The following INVS variants were observed in gnomAD, a reference collection of about 807,000 sequenced individuals.
INVS encodes inversin.
In INVS, 86 loss-of-function variants were observed where a neutral mutation model predicts 108.8. The ratio of observed to expected loss-of-function variants is 0.79; its 90% CI spans 0.66 to 0.95. The LOEUF (loss-of-function observed/expected upper bound fraction) is 0.95. Ranked by LOEUF, INVS falls within the 40% of genes least tolerant of loss-of-function variation. INVS has a pLI of 0.00. For missense variants in INVS, 1,169 were observed against 1,297.4 expected (o/e 0.90, Z 1.52); for synonymous variants, 455 against 473.5 (o/e 0.96, Z 0.51).
intron 16 of INVS, among the ~76,000 whole-genome samples, chr9:100,298,903 T>C (rs540115128): frequency 6.6e-6 from 1 of 152,292 alleles, no homozygotes; most frequent in East Asian, 1.9e-4. Flanking sequence ...ACCCCTTTCA[T>C]TATACCTGAG....
intron 3 of INVS, among the ~76,000 whole-genome samples, chr9:100,139,592 C>T (rs1222514656): frequency 3.3e-5 from 5 of 152,176 alleles, no homozygotes; most frequent in Non-Finnish European, 7.3e-5. Flanking sequence ...GTCCCGTCAT[C>T]TGATTTTTAA....
intron 3 of INVS, among the ~76,000 whole-genome samples, chr9:100,196,187 A>T (rs1225670283): frequency 6.6e-6 from 1 of 152,070 alleles, no homozygotes. Context: ...ATAGATTTAG[A>T]CTTTTCAGAT....
At chr9:100,193,851 G>A (rs1322088082) in intron 3 of INVS, among the ~76,000 whole-genome samples, 1 of 152,136 alleles carries the variant, frequency 6.6e-6, no homozygotes, top group Non-Finnish European at 1.5e-5. Context: ...GGTCTCAAGT[G>A]ATCCTCCTGA....
intron 3 of INVS, among the ~76,000 whole-genome samples, chr9:100,197,305 G>C (rs990312507): frequency 3.3e-5 from 5 of 152,200 alleles, no homozygotes; most frequent in Admixed American, 2.6e-4. Context: ...GGGTACCATA[G>C]CTCATGCCTA....
intron 2 of INVS, chr9:100,117,672 A>C: frequency 3.4e-6 from 2 of 594,140 alleles, no homozygotes; most frequent in East Asian, 2.8e-5. Flanking sequence ...CTCGGAGAAG[A>C]AGCAGTTATA....
At chr9:100,292,006 C>T (rs1485481577) in intron 13 of INVS, among the ~76,000 whole-genome samples, 1 of 152,226 alleles carries the variant, frequency 6.6e-6, no homozygotes, top group African/African-American at 2.4e-5. Flanking sequence ...TAGACAGTCA[C>T]TGGATCAGCT....
Position 100,240,244 on chromosome 9 carries a change from C to T in INVS, c.796+4C>T, listed in dbSNP as rs371310920. ...CTGCACTGGGCAGCTTTATTAGGTA[C>T]GTGACTCAAAGGATCAACAGTAAAA... On this transcript the variant is annotated splice_donor_region_variant and intron_variant, in intron 6 of 16. Coordinates refer to ENST00000262457, the MANE Select transcript of INVS (RefSeq NM_014425.5). The T allele has an allele frequency of 1.3e-5, 21 of 1,610,838 alleles. 1 individual carries two copies. The East Asian group carries it at 1.3e-4, about 10-fold the overall frequency.
At chr9:100,297,810 C>T (rs574085023) in intron 15 of INVS, 126 bp from the exon 16 acceptor site, 1 of 934,412 alleles carries the variant, frequency 1.1e-6, no homozygotes, top group Non-Finnish European at 1.8e-6. Flanking sequence ...TGTTTCCACA[C>T]CATACCTAAC....
At chr9:100,265,020 GCAAC>G in intron 11 of INVS, 92 bp downstream of exon 11, 1 of 802,026 alleles carries the variant, frequency 1.2e-6, no homozygotes, top group Non-Finnish European at 2.2e-6. Flanking sequence ...TTGGCTCACT[GCAAC>G]CTTCGCCTCC....
chr9:100,111,277 C>T (rs1037871373), intron 2 of INVS, among the ~76,000 whole-genome samples: 4 of 152,210 alleles, frequency 2.6e-5, no homozygotes, highest in African/African-American at 4.8e-5. Context: ...AGCTATTGTG[C>T]GGACTAGCAC....
intron 3 of INVS, among the ~76,000 whole-genome samples, chr9:100,146,712 A>C (rs1217247458): frequency 6.6e-6 from 1 of 152,238 alleles, no homozygotes; most frequent in African/African-American, 2.4e-5. Context: ...AGGTGAAATT[A>C]AGTGATTTAG....
intron 3 of INVS, among the ~76,000 whole-genome samples, chr9:100,222,819 CTTTT>C (rs201620953): frequency 7.3e-6 from 1 of 137,408 alleles, no homozygotes. Flanking sequence ...CCTGGGCAAA[CTTTT>C]TTTTTTTTTT....
intron 3 of INVS, among the ~76,000 whole-genome samples, chr9:100,187,182 C>T (rs527418567): frequency 6.6e-6 from 1 of 152,084 alleles, no homozygotes; most frequent in East Asian, 1.9e-4. Flanking sequence ...GACTTTATTT[C>T]TGGGTTCTCT....
intron 11 of INVS, among the ~76,000 whole-genome samples, chr9:100,270,906 AGAGT>A (rs1351968431): frequency 6.6e-6 from 1 of 151,750 alleles, no homozygotes; most frequent in Admixed American, 6.6e-5. Flanking sequence ...CCTGGGCAAC[AGAGT>A]GAGACCCTAT....
At chr9:100,201,845 T>TAG (rs1002144301) in intron 3 of INVS, among the ~76,000 whole-genome samples, 20 of 152,214 alleles carry the variant, frequency 1.3e-4, no homozygotes, top group Non-Finnish European at 2.6e-4. Flanking sequence ...AGTAAGAGAC[T>TAG]AGAGACATGC....
At chr9:100,105,973 A>G (rs1423597524) in intron 2 of INVS, among the ~76,000 whole-genome samples, 1 of 145,234 alleles carries the variant, frequency 6.9e-6, no homozygotes, top group Admixed American at 7.4e-5. Context: ...ATAGCACCCC[A>G]AATTCATGAT....
At chr9:100,124,177 AGTGTGTGTGTGTGTGTGT>A (rs3052021) in intron 2 of INVS, among the ~76,000 whole-genome samples, 10 of 144,112 alleles carry the variant, frequency 6.9e-5, no homozygotes, top group South Asian at 2.3e-4. Context: ...TTTGTTTCTG[AGTGTGTGTGTGTGTGTGT>A]GTGTGTGTGT....
chr9:100,258,418 A>G (rs1485009292), intron 10 of INVS, among the ~76,000 whole-genome samples: 1 of 152,190 alleles, frequency 6.6e-6, no homozygotes, highest in East Asian at 1.9e-4. Flanking sequence ...GACTCGTCAA[A>G]GTCATTCTCC....
chr9:100,209,909 T>TTCTAC (rs568736844), intron 3 of INVS, among the ~76,000 whole-genome samples: 88 of 152,192 alleles, frequency 5.8e-4, no homozygotes, highest in Non-Finnish European at 1.1e-3. Flanking sequence ...GTGTCTCCAG[T>TTCTAC]TCTACTCTAT....
Sources: allele counts gnomAD v4.1 joint callset (sites outside exome capture counted in the v4.1 genomes callset), GRCh38; gene constraint gnomAD v4.1.1; transcripts MANE v1.5; gene names NCBI Gene and HGNC (gene_info 2026-07-23, HGNC 2026-07-21).